The following WDR31 variants were observed in gnomAD, a reference collection of about 807,000 sequenced individuals.
WDR31 encodes WD repeat-containing protein 31.
Under a neutral mutation model 47.3 loss-of-function variants are expected in WDR31, and 30 were observed. The ratio of observed to expected loss-of-function variants is 0.63; its 90% CI spans 0.47 to 0.86. The LOEUF is 0.86. WDR31 is among the 40% of genes least tolerant of loss of function. The pLI, the probability that WDR31 is intolerant of heterozygous loss-of-function variation, is 0.00. For missense variants in WDR31, 406 were observed against 442.9 expected (o/e 0.92, Z 0.75); for synonymous variants, 137 against 159.4 (o/e 0.86, Z 1.06).
rs1194473636 is a variant in WDR31, at chr9:113,315,525, T to C, written c.*1224A>G. On this transcript the variant is annotated 3_prime_UTR_variant, in exon 11 of 11. Transcript: ENST00000374193. Reference sequence around the variant, plus strand: ...GAACTCCATTTTCCCTGGAGGAAAATGGACCAGTGAGCATGAGGCTGAGGT... The same window carrying C: ...GAACTCCATTTTCCCTGGAGGAAAACGGACCAGTGAGCATGAGGCTGAGGT... 6.6e-6 allele frequency: 1 copy of C among 152,096 alleles called. No homozygotes were observed. The highest frequency in any genetic ancestry group is 1.5e-5 in the Non-Finnish European group (1 of 68,050). The allele number at this position is 152,096 out of a possible 1,614,324, so 9.4% of individuals were successfully genotyped here.
chr9:113,324,826 ATATGTGTGTGTGTGTGTGTGTGTG>A (rs920876937), intron 5 of WDR31, among the ~76,000 whole-genome samples: 15 of 109,294 alleles, frequency 1.4e-4, no homozygotes, highest in South Asian at 7.0e-4. Flanking sequence ...CTATATATAT[ATATGTGTGTGTGTGTGTGTGTGTG>A]TGTGTGTGTG....
rs145267357 is a variant in WDR31, at chr9:113,314,460, G to A, written c.*2289C>T. On this transcript the variant is annotated 3_prime_UTR_variant, in exon 11 of 11. Transcript: ENST00000374193. ...GATCTCTTGACCTTGTGATCTGCCC[G>A]CCTAGGCCTCACAAAGTGCTGGGAT... 18,790 of 151,740 alleles carry A rather than the reference G, an allele frequency of 0.12. 1,248 individuals are homozygous for A. The highest frequency in any genetic ancestry group is 0.14 in the Non-Finnish European group (9,715 of 67,974). The allele number at this position is 151,740 out of a possible 1,614,324, so 9.4% of individuals were successfully genotyped here.
chr9:113,337,360 T>C (rs554356990), intron 1 of WDR31, among the ~76,000 whole-genome samples: 1 of 152,214 alleles, frequency 6.6e-6, no homozygotes, highest in African/African-American at 2.4e-5. Flanking sequence ...TTACTACAGG[T>C]TGAGCATCTA....
intron 4 of WDR31, among the ~76,000 whole-genome samples, chr9:113,329,435 GTT>G (rs1263659518): frequency 6.6e-6 from 1 of 151,898 alleles, no homozygotes. Flanking sequence ...GAGGTCGGGA[GTT>G]TGAGACCAGA....
chr9:113,320,518 G>A lies in WDR31; in HGVS notation c.639-20C>T. 2 of 1,609,630 alleles carry A rather than the reference G, an allele frequency of 1.2e-6. No homozygotes were observed. The highest frequency in any genetic ancestry group is 2.2e-5 in the East Asian group (1 of 44,782). On this transcript the variant is annotated intron_variant, in intron 8 of 10. Transcript: ENST00000374193. ...CATAATCTGAAAGAGATTAGGGCAG[G>A]AAATTAGCTTGTAGTAAATGTGGCT... is the stretch of plus-strand genomic sequence containing the variant.
At chr9:113,319,336 C>T (rs935780918) in intron 9 of WDR31, among the ~76,000 whole-genome samples, 3 of 152,198 alleles carry the variant, frequency 2.0e-5, no homozygotes, top group African/African-American at 7.2e-5. Context: ...AAATGTTTCA[C>T]TTAGAAAAGA....
chr9:113,326,080 T>C (rs1168927628), intron 5 of WDR31, among the ~76,000 whole-genome samples: 1 of 152,154 alleles, frequency 6.6e-6, no homozygotes, highest in Non-Finnish European at 1.5e-5. Flanking sequence ...CCTGGCTAAT[T>C]TTTTATTTTT....
intron 5 of WDR31, 121 bp downstream of exon 5, chr9:113,328,760 A>C: frequency 1.2e-6 from 1 of 832,096 alleles, no homozygotes; most frequent in Non-Finnish European, 1.9e-6. Context: ...ATTTCACAGC[A>C]TCAAACAAAC....
chr9:113,338,792 G>A (rs1355991604), intron 1 of WDR31, among the ~76,000 whole-genome samples: 1 of 151,914 alleles, frequency 6.6e-6, no homozygotes, highest in East Asian at 1.9e-4. Context: ...CTAATTTTGT[G>A]TTTTTAGTAG....
At chr9:113,321,228 G>A (rs1833318767) in intron 8 of WDR31, among the ~76,000 whole-genome samples, 1 of 152,194 alleles carries the variant, frequency 6.6e-6, no homozygotes, top group African/African-American at 2.4e-5. Flanking sequence ...TGATTCTGGG[G>A]TTAATCTGAA....
In WDR31 at chr9:113,323,014, G is replaced by C; in HGVS notation, c.466C>G (p.Pro156Ala). The C allele has an allele frequency of 1.9e-6, 3 of 1,614,046 alleles. No individual in the cohort carries two copies. Among genetic ancestry groups the C allele is most frequent in the Non-Finnish European group, 2.5e-6 (3 of 1,179,980 alleles). ...AMVVTGLAVS[P>A]DSSQLCTGSR... ...GAAGAGGTCCGCTTTGTTTTACCTG[G>C]ACTCACAGCCAATCCGGTGACCACC... Residue 156 changes from proline (P) to alanine (A), a missense_variant, in exon 6 of 11, where the codon CCA becomes GCA. Transcript: ENST00000374193.
intron 8 of WDR31, among the ~76,000 whole-genome samples, chr9:113,320,901 A>G (rs774333061): frequency 9.2e-5 from 14 of 152,168 alleles, no homozygotes; most frequent in Admixed American, 3.3e-4. Context: ...TTAGTTACAA[A>G]AGATTTACAT....
At chr9:113,331,749 G>C (rs1588048919) in intron 3 of WDR31, among the ~76,000 whole-genome samples, 158 bp downstream of exon 3, 1 of 152,314 alleles carries the variant, frequency 6.6e-6, no homozygotes, top group East Asian at 1.9e-4. Flanking sequence ...ACCCAGCCCT[G>C]ACTGTTTCTT....
chr9:113,334,258 C>G (rs1833669456), intron 2 of WDR31, among the ~76,000 whole-genome samples: 1 of 152,110 alleles, frequency 6.6e-6, no homozygotes, highest in Non-Finnish European at 1.5e-5. Context: ...GTGGGGCCTT[C>G]TTTTCTTTTA....
chr9:113,332,094 C>T, intron 2 of WDR31, 44 bp from the exon 3 acceptor site: 1 of 1,349,450 alleles, frequency 7.4e-7, no homozygotes, highest in Non-Finnish European at 1.1e-6. Context: ...TTTTGTTAGG[C>T]ACAATAGTAT....
intron 2 of WDR31, among the ~76,000 whole-genome samples, chr9:113,334,065 G>A (rs1290148662): frequency 2.0e-5 from 3 of 150,880 alleles, no homozygotes. Context: ...CTGGAGTGCA[G>A]TGGTGTGATC....
intron 3 of WDR31, 37 bp from the exon 4 acceptor site, chr9:113,331,153 T>C: frequency 4.3e-6 from 1 of 232,072 alleles, no homozygotes; most frequent in Non-Finnish European, 7.1e-6. Context: ...CCCAATGGCA[T>C]GGGAGTGGAT....
chr9:113,318,860 C>A (rs1438871245), intron 9 of WDR31, among the ~76,000 whole-genome samples: 1 of 152,200 alleles, frequency 6.6e-6, no homozygotes, highest in Non-Finnish European at 1.5e-5. Context: ...TCTCAAACAA[C>A]CCTGGTTAAG....
At chr9:113,324,389 CTTTT>C (rs536508042) in intron 5 of WDR31, among the ~76,000 whole-genome samples, 12 of 129,090 alleles carry the variant, frequency 9.3e-5, no homozygotes, top group Admixed American at 1.6e-4. Context: ...AATTTCATTC[CTTTT>C]TTTTTTTTTT....
Sources: gnomAD v4.1 joint callset for allele counts (sites outside exome capture counted in the v4.1 genomes callset) on GRCh38, gnomAD v4.1.1 for gene constraint, MANE v1.5 for transcripts, NCBI Gene and HGNC (gene_info 2026-07-23, HGNC 2026-07-21) for gene names.